The following NAA11 variants were observed in gnomAD, a reference collection of about 807,000 sequenced individuals.
NAA11 encodes N-alpha-acetyltransferase 11.
A neutral mutation model predicts 16.1 loss-of-function variants in NAA11; 15 were observed. The observed-to-expected ratio is 0.93, with a 90% CI of 0.62 to 1.44. The LOEUF is 1.44. Among genes scored for constraint, NAA11 ranks in the 40% most tolerant of loss-of-function variants. NAA11 has a pLI of 0.00. For missense variants in NAA11, 298 were observed against 291.3 expected (o/e 1.02, Z -0.17); for synonymous variants, 122 against 112.4 (o/e 1.09, Z -0.54).
Position 79,273,533 on chromosome 4 carries a change from T to C in NAA11, c.*122+20472A>G, listed in dbSNP as rs562321736. The stretch of plus-strand genomic sequence containing the variant: ...ATATGCAATATGGGTCAATGTTGTA[T>C]CGGCAAGGAGGTACCACTGGTCTTT... On this transcript the variant is annotated intron_variant and NMD_transcript_variant, in intron 2 of 2. Transcript: ENST00000511542. Among the ~76,000 whole-genome samples, 3 of 152,146 alleles carry C rather than the reference T, an allele frequency of 2.0e-5. No homozygotes were observed. In the South Asian group the frequency reaches 6.2e-4, roughly 32 times the overall value.
downstream of NAA11, among the ~76,000 whole-genome samples, chr4:79,220,756 A>G (rs892357049): frequency 2.0e-5 from 3 of 152,134 alleles, no homozygotes; most frequent in Non-Finnish European, 4.4e-5. Context: ...TACCAGTACC[A>G]TGCTGTTTTG....
chr4:79,271,873 G>A (rs1161431137), intron 2 of NAA11, among the ~76,000 whole-genome samples: 4 of 151,912 alleles, frequency 2.6e-5, no homozygotes, highest in Non-Finnish European at 5.9e-5. Context: ...AGAATCCAGA[G>A]AGTCTATGTT....
chr4:79,317,127 C>T lies in NAA11; in HGVS notation c.*677G>A, dbSNP rs960388147. The T allele has an allele frequency of 2.0e-4, 31 of 152,146 alleles. No individual in the cohort carries two copies. The highest frequency in any genetic ancestry group is 7.2e-4 in the African/African-American group (30 of 41,436). 9.4% of individuals were successfully genotyped at this position (152,146 alleles called of 1,614,324 possible). A position where few individuals can be genotyped will look rare whatever the true frequency, so the allele number is the denominator to read the frequency against. On this transcript the variant is annotated 3_prime_UTR_variant, in exon 2 of 2. Coordinates refer to ENST00000286794, the MANE Select transcript of NAA11 (RefSeq NM_032693.3). ...AACACAAACAAGCACATTAGAGATT[C>T]CAATTTAATTACCGTTTGTCCTTTT...
chr4:79,272,512 G>A (rs571144947), intron 2 of NAA11, among the ~76,000 whole-genome samples: 1 of 152,030 alleles, frequency 6.6e-6, no homozygotes, highest in Non-Finnish European at 1.5e-5. Context: ...ACAATGGAAT[G>A]AGACACAGAT....
chr4:79,196,146 C>G, the NAA11 span, among the ~76,000 whole-genome samples: 1 of 152,020 alleles, frequency 6.6e-6, no homozygotes, highest in Non-Finnish European at 1.5e-5. Context: ...CATGTGATTT[C>G]TCACTATTCT....
intron 1 of NAA11, among the ~76,000 whole-genome samples, chr4:79,322,303 A>C (rs1724114227): frequency 6.6e-6 from 1 of 152,204 alleles, no homozygotes; most frequent in Admixed American, 6.5e-5. Flanking sequence ...ACTTAGAAAT[A>C]AAGTTCAATT....
intron 2 of NAA11, among the ~76,000 whole-genome samples, chr4:79,286,560 C>T (rs2109989632): frequency 6.6e-6 from 1 of 152,166 alleles, no homozygotes; most frequent in South Asian, 2.1e-4. Context: ...ATCTGAGAAT[C>T]TCTAGTCACA....
chr4:79,303,964 A>C (rs1036338511), intron 1 of NAA11, among the ~76,000 whole-genome samples: 28 of 152,102 alleles, frequency 1.8e-4, no homozygotes, highest in African/African-American at 6.8e-4. Context: ...ACTAATTTTT[A>C]AAAACTCATG....
At chr4:79,156,014 A>C in the NAA11 span, among the ~76,000 whole-genome samples, 3 of 152,192 alleles carry the variant, frequency 2.0e-5, no homozygotes, top group Non-Finnish European at 4.4e-5. Context: ...CCAAATGGCT[A>C]TCTCATCTTA....
intron 2 of NAA11, among the ~76,000 whole-genome samples, chr4:79,258,547 G>A (rs1388801511): frequency 1.3e-5 from 2 of 152,208 alleles, no homozygotes. Flanking sequence ...TGGACTTTGG[G>A]TGCTGATGAG....
At chr4:79,295,694 T>C (rs1035904005) in intron 1 of NAA11, among the ~76,000 whole-genome samples, 2 of 152,164 alleles carry the variant, frequency 1.3e-5, no homozygotes, top group Admixed American at 6.5e-5. Flanking sequence ...ATGGGTAGTA[T>C]AAATAATCTT....
intron 1 of NAA11, among the ~76,000 whole-genome samples, chr4:79,321,346 AATAT>A (rs1407019688): frequency 1.3e-5 from 2 of 152,208 alleles, no homozygotes; most frequent in Non-Finnish European, 2.9e-5. Flanking sequence ...AGCTAAACTA[AATAT>A]CATAGCCTCC....
intron 2 of NAA11, among the ~76,000 whole-genome samples, chr4:79,267,685 T>A (rs1239885644): frequency 1.3e-5 from 2 of 152,086 alleles, no homozygotes; most frequent in Admixed American, 1.3e-4. Flanking sequence ...GGGAACAGAA[T>A]TTCAGTTCCC....
chr4:79,157,712 A>G, the NAA11 span, among the ~76,000 whole-genome samples: 3 of 152,124 alleles, frequency 2.0e-5, no homozygotes, highest in East Asian at 5.8e-4. Context: ...CATAGCCAAC[A>G]TAATACTGAA....
the NAA11 span, among the ~76,000 whole-genome samples, chr4:79,174,887 A>AT: frequency 2.0e-5 from 3 of 152,014 alleles, no homozygotes; most frequent in South Asian, 2.1e-4. Context: ...CTGTCTTCTC[A>AT]TTTTTTTTCC....
At chr4:79,314,655 A>AAAAAAAAAAAAAAAAAAAAAAAAAAAC (rs1723876406), downstream of NAA11, among the ~76,000 whole-genome samples, 1 of 150,778 alleles carries the variant, frequency 6.6e-6, no homozygotes, top group Non-Finnish European at 1.5e-5. Flanking sequence ...AAAAAAAAAA[A>AAAAAAAAAAAAAAAAAAAAAAAAAAAC]AAAAAAAAAG....
At chr4:79,193,641 G>A in the NAA11 span, among the ~76,000 whole-genome samples, 1 of 152,170 alleles carries the variant, frequency 6.6e-6, no homozygotes, top group South Asian at 2.1e-4. Context: ...TTGTGGTATA[G>A]TTTGAAGTCA....
the NAA11 span, among the ~76,000 whole-genome samples, chr4:79,157,137 A>G: frequency 6.6e-6 from 1 of 152,008 alleles, no homozygotes; most frequent in Non-Finnish European, 1.5e-5. Context: ...TTTGGGGAAC[A>G]GTTGGCATTT....
the NAA11 span, among the ~76,000 whole-genome samples, chr4:79,198,943 T>C: frequency 1.3e-5 from 2 of 151,958 alleles, no homozygotes; most frequent in Non-Finnish European, 2.9e-5. Context: ...GCAAATGGCA[T>C]GCAATTCTGG....
Sources: allele counts gnomAD v4.1 joint callset (sites outside exome capture counted in the v4.1 genomes callset), GRCh38; gene constraint gnomAD v4.1.1; transcripts MANE v1.5; gene names NCBI Gene and HGNC (gene_info 2026-07-23, HGNC 2026-07-21).